The following INPP4B variants were observed in gnomAD, a reference collection of about 807,000 sequenced individuals.
INPP4B encodes inositol polyphosphate-4-phosphatase type II B.
In INPP4B, 55 loss-of-function variants were observed where a neutral mutation model predicts 122.5. The ratio of observed to expected loss-of-function variants is 0.45; its 90% confidence interval spans 0.36 to 0.56. The LOEUF (loss-of-function observed/expected upper bound fraction) is 0.56. INPP4B is among the 20% of genes least tolerant of loss of function. The probability of loss-of-function intolerance (pLI) is 0.00; values close to 1 mark genes in which losing one functional copy is unlikely to be tolerated. For synonymous variants in INPP4B, 403 were observed against 388.7 expected (o/e 1.04, Z -0.43); for missense variants, 1,000 against 1,097.7 (o/e 0.91, Z 1.26).
At chr4:142,288,181 C>A (rs1432345566) in intron 9 of INPP4B, among the ~76,000 whole-genome samples, 2 of 152,198 alleles carry the variant, frequency 1.3e-5, no homozygotes. Flanking sequence ...AACCTCAAAC[C>A]TTACAAATTG....
chr4:142,382,703 T>A (rs1794664327), intron 7 of INPP4B, among the ~76,000 whole-genome samples: 1 of 147,504 alleles, frequency 6.8e-6, no homozygotes, highest in African/African-American at 2.5e-5. Flanking sequence ...GTCATTGATT[T>A]ACAAATACAT....
rs533190170 is a variant in INPP4B at position 142,275,407 on chromosome 4, T to C, written c.504-4633A>G. On this transcript the variant is annotated intron_variant, in intron 9 of 25. Transcript: ENST00000262992. ...ACTGTCAGCCTTTGTGAATATAAAG[T>C]AGTTCTGGTACTATGCACAGGAGTC... is the stretch of plus-strand genomic sequence containing the variant. Among the ~76,000 whole-genome samples, 19 of 151,882 alleles carry C rather than the reference T, an allele frequency of 1.3e-4. No homozygotes were observed. In the East Asian group the frequency reaches 3.7e-3, roughly 29 times the overall value.
chr4:142,150,362 C>T (rs3775662), intron 17 of INPP4B, among the ~76,000 whole-genome samples: 3,419 of 152,298 alleles, frequency 0.022, 95 homozygotes, highest in East Asian at 0.082. Flanking sequence ...AAAACAACCA[C>T]TACCACCTAT....
rs1040476121 is a variant in INPP4B, at chr4:142,092,225, T to G, written c.2375-5969A>C. On this transcript the variant is annotated intron_variant, in intron 23 of 25. Transcript: ENST00000262992. Reference sequence around the variant, plus strand: ...CATCTTTTAGCCACAAGACCAGACATAGGATAAAATTAACATAAGAGATAA... The same window carrying G: ...CATCTTTTAGCCACAAGACCAGACAGAGGATAAAATTAACATAAGAGATAA... Among the ~76,000 whole-genome samples, 4 of 152,240 alleles carry G rather than the reference T, an allele frequency of 2.6e-5. No individual in the cohort carries two copies. The East Asian group carries it at 7.7e-4, about 29-fold the overall frequency.
chr4:142,173,193 C>T (rs962852592), intron 16 of INPP4B, among the ~76,000 whole-genome samples: 2 of 151,940 alleles, frequency 1.3e-5, no homozygotes, highest in Non-Finnish European at 2.9e-5. Context: ...GGAAGTACCC[C>T]ACACAGACTG....
At chr4:142,452,241 G>A (rs868865424) in intron 3 of INPP4B, among the ~76,000 whole-genome samples, 4 of 152,054 alleles carry the variant, frequency 2.6e-5, no homozygotes, top group Non-Finnish European at 4.4e-5. Context: ...ACTCATCGAC[G>A]AGGCACCCTT....
At chr4:142,318,720 G>A (rs1257989079) in intron 7 of INPP4B, among the ~76,000 whole-genome samples, 1 of 152,048 alleles carries the variant, frequency 6.6e-6, no homozygotes, top group African/African-American at 2.4e-5. Context: ...TATTTTTTAA[G>A]GTTCATCTAA....
chr4:142,166,136 T>A (rs1822597779), intron 16 of INPP4B, among the ~76,000 whole-genome samples: 1 of 151,740 alleles, frequency 6.6e-6, no homozygotes, highest in East Asian at 1.9e-4. Context: ...GCATATTTTA[T>A]AAATATTTTC....
In INPP4B at chr4:142,237,885, T is replaced by C; in HGVS notation, c.815A>G (p.His272Arg). 1 of 1,569,220 alleles carries C rather than the reference T, an allele frequency of 6.4e-7. No individual in the cohort carries two copies. The highest frequency in any genetic ancestry group is 1.2e-5 in the South Asian group (1 of 85,774). ...TTACCTGCACAAATCTTCTTTAATG[T>C]GAAGGGAAATCAATTCCTTAGGAAT... ...FHIPKELISL[H>R]IKEDLCRNQE... The change falls in exon 12 of 26, where the codon CAC becomes CGC. Residue 272 changes from histidine to arginine, a missense_variant. By Grantham distance (29) the His-to-Arg change is conservative. Transcript: ENST00000262992.
chr4:142,057,792 A>AACAT (rs1758479652), intron 25 of INPP4B, among the ~76,000 whole-genome samples: 1 of 152,108 alleles, frequency 6.6e-6, no homozygotes, highest in South Asian at 2.1e-4. Context: ...CTGCTTATTA[A>AACAT]ACATTTCTAG....
intron 23 of INPP4B, among the ~76,000 whole-genome samples, chr4:142,094,665 G>A (rs1346826782): frequency 6.6e-6 from 1 of 152,116 alleles, no homozygotes; most frequent in Non-Finnish European, 1.5e-5. Flanking sequence ...TGCCTCTCCT[G>A]CTGCCTATAA....
At position 142,086,172 on chromosome 4, in the gene INPP4B, T is replaced by C. The variant is rs780458000; in HGVS notation, c.2459A>G (p.Asn820Ser). 3 of 1,598,132 alleles carry C rather than the reference T, an allele frequency of 1.9e-6. No individual in the cohort carries two copies. The South Asian group carries it at 3.3e-5, about 18-fold the overall frequency. ...LQNIQSKKRK[N>S]VEIMWLAATI... ...TGCAGCCAGCCACATAATTTCTACA[T>C]TCTTTCTTTTTTTGGATTGGATATT... Residue 820 changes from asparagine (N) to serine (S), a missense_variant, in exon 24 of 26, where the codon AAT becomes AGT. Transcript: ENST00000262992.
rs761614442 is a variant in INPP4B at position 142,260,561 on chromosome 4, C to G, written c.619G>C (p.Ala207Pro). Residue 207 changes from alanine to proline, a missense_variant, in exon 11 of 26, where the codon GCC becomes CCC. Ala to Pro is a conservative substitution (Grantham distance 27). Coordinates refer to ENST00000262992, the MANE Select transcript of INPP4B (RefSeq NM_001101669.3). ...GGGGCTGTACATTCACATACCAGGGCACACTAGGAAAAAATGTAAAAAAAA... is the reference window on the plus strand; with the variant it reads ...GGGGCTGTACATTCACATACCAGGGGACACTAGGAAAAAATGTAAAAAAAA... ...ITTDVQGQKCALVCECTAPES... is the reference protein window; with the variant it reads ...ITTDVQGQKCPLVCECTAPES... The G allele has an allele frequency of 2.3e-5, 36 of 1,544,106 alleles. No homozygotes were observed. The African/African-American group carries it at 3.8e-4, about 16-fold the overall frequency.
chr4:142,602,860 G>A (rs573034856), intron 2 of INPP4B, among the ~76,000 whole-genome samples: 3 of 152,142 alleles, frequency 2.0e-5, no homozygotes, highest in Non-Finnish European at 4.4e-5. Context: ...CCATTACTGG[G>A]TATATACCCA....
intron 15 of INPP4B, among the ~76,000 whole-genome samples, chr4:142,183,164 A>G (rs1209444688): frequency 6.6e-6 from 1 of 152,146 alleles, no homozygotes; most frequent in Admixed American, 6.5e-5. Context: ...TGTATGTGGG[A>G]GTCTTCCTTG....
In INPP4B at chr4:142,260,508, T is replaced by C. The variant is rs889424132; in HGVS notation, c.672A>G (p.Leu224=). 2 of 1,604,552 alleles carry C rather than the reference T, an allele frequency of 1.2e-6. No homozygotes were observed. Among genetic ancestry groups the C allele is most frequent in the African/African-American group, 2.7e-5 (2 of 74,292 alleles). ...GTTACATACCTGAATTCAAAAAAGG[T>C]AAGTTATCTTTTCCGCTCACACTTT... is the stretch of plus-strand genomic sequence containing the variant. ...APESVSGKDN[L]PFLNSVLKNP... The change falls in exon 11 of 26, where the codon TTA becomes TTG. Residue 224 remains leucine (L), a synonymous_variant. Transcript: ENST00000262992.
At chr4:142,241,560 G>A (rs1171853239) in intron 11 of INPP4B, among the ~76,000 whole-genome samples, 1 of 152,082 alleles carries the variant, frequency 6.6e-6, no homozygotes, top group Non-Finnish European at 1.5e-5. Flanking sequence ...CTTTTTCATG[G>A]GATTCAGTAA....
At chr4:142,483,431 T>G (rs1003243574) in intron 2 of INPP4B, among the ~76,000 whole-genome samples, 39 of 151,976 alleles carry the variant, frequency 2.6e-4, no homozygotes, top group African/African-American at 7.5e-4. Context: ...TCTCTGTGAG[T>G]GGATATTACT....
chr4:142,093,754 A>G (rs3822135), intron 23 of INPP4B, among the ~76,000 whole-genome samples: 39,185 of 152,116 alleles, frequency 0.26, 5,134 homozygotes, highest in East Asian at 0.3. Flanking sequence ...TGCATTTCCA[A>G]TTTTCAATTT....
Sources: gnomAD v4.1 joint callset for allele counts (sites outside exome capture counted in the v4.1 genomes callset) on GRCh38, gnomAD v4.1.1 for gene constraint, MANE v1.5 for transcripts, NCBI Gene and HGNC (gene_info 2026-07-23, HGNC 2026-07-21) for gene names.